SGO2: variants seen among roughly 807,000 people sequenced by gnomAD.
SGO2 encodes the protein shugoshin-like 2.
Under a neutral mutation model 99.5 loss-of-function variants are expected in SGO2, and 68 were observed. The observed-to-expected ratio is 0.68, with a 90% confidence interval of 0.56 to 0.84. The LOEUF is 0.84. SGO2 is among the 40% of genes least tolerant of loss of function. SGO2 has a pLI of 0.00. For missense variants in SGO2, 1,350 were observed against 1,436.7 expected (o/e 0.94, Z 0.97); for synonymous variants, 457 against 487.1 (o/e 0.94, Z 0.81).
At chr2:200,581,129 A>T (rs1270021818) in intron 8 of SGO2, among the ~76,000 whole-genome samples, 1 of 152,106 alleles carries the variant, frequency 6.6e-6, no homozygotes, top group Non-Finnish European at 1.5e-5. Context: ...TTTCTTTGTG[A>T]CCTACTATAG....
intron 5 of SGO2, among the ~76,000 whole-genome samples, chr2:200,567,239 A>G (rs2033227412): frequency 1.3e-5 from 2 of 152,196 alleles, no homozygotes; most frequent in Non-Finnish European, 2.9e-5. Context: ...TGCCTGTAGC[A>G]TCTGTAGTGA....
At chr2:200,559,280 C>T (rs1453128009) in intron 5 of SGO2, among the ~76,000 whole-genome samples, 1 of 151,852 alleles carries the variant, frequency 6.6e-6, no homozygotes, top group Non-Finnish European at 1.5e-5. Flanking sequence ...TAGTGAGGTT[C>T]TCTTCTTCTT....
intron 1 of SGO2, among the ~76,000 whole-genome samples, chr2:200,531,268 T>C (rs2031366526): frequency 6.6e-6 from 1 of 152,172 alleles, no homozygotes; most frequent in African/African-American, 2.4e-5. Context: ...TGCTTCAGTG[T>C]TCTGAGAGAG....
chr2:200,535,416 G>A (rs1184448557), intron 3 of SGO2, among the ~76,000 whole-genome samples: 2 of 152,052 alleles, frequency 1.3e-5, no homozygotes, highest in African/African-American at 4.8e-5. Flanking sequence ...ACCAACATTC[G>A]ATTGCTAATC....
chr2:200,555,503 G>T (rs917053335), intron 5 of SGO2, among the ~76,000 whole-genome samples: 1 of 152,126 alleles, frequency 6.6e-6, no homozygotes, highest in Admixed American at 6.5e-5. Context: ...ACAGTACAAT[G>T]ATTTTACTGT....
chr2:200,529,515 G>GTTTTGTT (rs2031264208), intron 1 of SGO2, among the ~76,000 whole-genome samples: 1 of 120,666 alleles, frequency 8.3e-6, no homozygotes, highest in Non-Finnish European at 2.1e-5. Flanking sequence ...GTTTTGTTTT[G>GTTTTGTT]TTTTGTTTTT....
Position 200,569,795 on chromosome 2 carries a change from TA to T in SGO2, c.608del (p.Asn203IlefsTer17). The T allele has an allele frequency of 6.2e-7, 1 of 1,610,742 alleles. No individual in the cohort carries two copies. On this transcript the variant is annotated frameshift_variant, in exon 6 of 9. Coordinates refer to ENST00000357799, the MANE Select transcript of SGO2 (RefSeq NM_152524.6). LOFTEE classifies it high-confidence loss of function. ...STTQPLSTQDNSEVLFLKENN... is the reference protein window; with the variant it reads ...STTQPLSTQDXSEVLFLKENN... ...CAACACAACCTTTATCAACTCAGGA[TA>T]ATTCGGAAGTGTTATTTCTTAAAGA...
intron 5 of SGO2, among the ~76,000 whole-genome samples, chr2:200,566,445 G>A (rs2033192170): frequency 1.3e-5 from 2 of 152,274 alleles, no homozygotes; most frequent in Non-Finnish European, 2.9e-5. Context: ...TCATCTCAGA[G>A]GGGCACTCGG....
chr2:200,530,649 A>G (rs2031326827), intron 1 of SGO2, among the ~76,000 whole-genome samples: 1 of 152,208 alleles, frequency 6.6e-6, no homozygotes, highest in African/African-American at 2.4e-5. Flanking sequence ...TAAAAGAGAC[A>G]GAGGAGGAAC....
chr2:200,542,783 G>A (rs533724749), intron 5 of SGO2, 119 bp downstream of exon 5: 61 of 809,068 alleles, frequency 7.5e-5, no homozygotes, highest in Non-Finnish European at 1.1e-4. Flanking sequence ...TACTAACGTA[G>A]AAATGAGCTG....
intron 1 of SGO2, chr2:200,532,283 TG>T (rs66740231): frequency 0.073 from 17,679 of 242,150 alleles, 1,970 homozygotes; most frequent in East Asian, 0.13. Flanking sequence ...TTTTTTTTTT[TG>T]TTTTTTTTTT....
At chr2:200,555,742 A>G (rs1460768048) in intron 5 of SGO2, among the ~76,000 whole-genome samples, 1 of 152,128 alleles carries the variant, frequency 6.6e-6, no homozygotes, top group Non-Finnish European at 1.5e-5. Flanking sequence ...TTACACCCCA[A>G]TGTTCTCTCA....
At chr2:200,537,387 G>C (rs2031740681) in intron 4 of SGO2, among the ~76,000 whole-genome samples, 1 of 152,130 alleles carries the variant, frequency 6.6e-6, no homozygotes, top group African/African-American at 2.4e-5. Flanking sequence ...CTTTTTGAGA[G>C]ATTTATTCAC....
intron 8 of SGO2, among the ~76,000 whole-genome samples, chr2:200,575,689 G>T (rs1008448201): frequency 1.4e-5 from 2 of 139,158 alleles, no homozygotes; most frequent in East Asian, 1.9e-4. Flanking sequence ...CTTTTGGTTA[G>T]TTCCCAGTTC....
intron 5 of SGO2, among the ~76,000 whole-genome samples, chr2:200,553,515 G>A (rs537406481): frequency 6.6e-6 from 1 of 152,208 alleles, no homozygotes; most frequent in Non-Finnish European, 1.5e-5. Flanking sequence ...CAACTGATGA[G>A]ACTAGAATCC....
chr2:200,540,403 TG>T (rs1470699807), intron 4 of SGO2, among the ~76,000 whole-genome samples: 1 of 152,216 alleles, frequency 6.6e-6, no homozygotes. Context: ...AAGTGGGGAC[TG>T]AAGTTTAGAC....
chr2:200,572,862 A>G lies in SGO2; in HGVS notation c.2516A>G (p.Asp839Gly). The G allele has an allele frequency of 1.3e-6, 2 of 1,596,110 alleles. No individual in the cohort carries two copies. Among genetic ancestry groups the G allele is most frequent in the Middle Eastern group, 1.7e-4 (1 of 5,960 alleles). Residue 839 changes from aspartate to glycine, a missense_variant, in exon 7 of 9, where the codon GAT (aspartate) becomes GGT (glycine). Transcript: ENST00000357799. ...AAAGGTGTACATGACCTAGAAAAAG[A>G]TAACTTCTTCTCTCTAACCCCAAAG... ...DNKGVHDLEKDNFFSLTPKDK... is the reference protein window; with the variant it reads ...DNKGVHDLEKGNFFSLTPKDK...
chr2:200,550,183 C>T (rs1349171511), intron 5 of SGO2, among the ~76,000 whole-genome samples: 1 of 152,034 alleles, frequency 6.6e-6, no homozygotes, highest in African/African-American at 2.4e-5. Context: ...AATGACAAAA[C>T]TCTGATGAAA....
At position 200,564,995 on chromosome 2, in the gene SGO2, TG is replaced by T. The variant is rs200048619; in HGVS notation, c.474-4665del. 3.0e-3 allele frequency among the ~76,000 whole-genome samples: 455 copies of T among 152,346 alleles called. 11 individuals carry two copies. In the East Asian group the frequency reaches 0.065, roughly 22 times the overall value. The stretch of plus-strand genomic sequence containing the variant: ...GGGTCTCCTGAATACAGCACACTGA[TG>T]GGTCTTGACTCTTTATCCAATTTGC... On this transcript the variant is annotated intron_variant, in intron 5 of 8. Transcript: ENST00000357799.
Sources: allele counts gnomAD v4.1 joint callset (sites outside exome capture counted in the v4.1 genomes callset), GRCh38; gene constraint gnomAD v4.1.1; transcripts MANE v1.5; gene names NCBI Gene and HGNC (gene_info 2026-07-23, HGNC 2026-07-21).